The following NELL1 variants were observed in gnomAD, a reference collection of about 807,000 sequenced individuals.
The protein encoded by NELL1 is neural EGFL like 1.
In NELL1, 76 loss-of-function variants were observed where a neutral mutation model predicts 107.4. That is an observed-to-expected ratio of 0.71 (90% confidence interval 0.59 to 0.86). The LOEUF (loss-of-function observed/expected upper bound fraction) is 0.86. Ranked by LOEUF, NELL1 falls within the 40% of genes least tolerant of loss-of-function variation. The pLI, the probability that NELL1 is intolerant of heterozygous loss-of-function variation, is 0.00. For missense variants in NELL1, 1,024 were observed against 1,005.5 expected, an observed-to-expected ratio of 1.02 and a Z score of -0.25; for synonymous variants, 353 against 341.2, an observed-to-expected ratio of 1.03 and a Z score of -0.38.
At chr11:21,375,285 A>G (rs1005965034) in intron 15 of NELL1, among the ~76,000 whole-genome samples, 11 of 152,096 alleles carry the variant, frequency 7.2e-5, no homozygotes, top group Middle Eastern at 6.8e-3. Context: ...GCTCCCACTT[A>G]TTAGTGAGAA....
In NELL1 at chr11:20,885,485, C is replaced by A; in HGVS notation, c.548C>A (p.Pro183His). ...ATAGACCCTCCAGATACCAACCTTC[C>A]CCCAGGAATCAATTTATGGCTTGGC... The part of the protein sequence containing the change: ...RVIDPPDTNL[P>H]PGINLWLGQR... The change falls in exon 5 of 20, where the codon CCC becomes CAC. Residue 183 changes from proline to histidine, a missense_variant. By Grantham distance (77) the Pro-to-His change is moderately conservative. Coordinates refer to ENST00000357134, the MANE Select transcript of NELL1 (RefSeq NM_006157.5). 1 of 1,613,548 alleles carries A rather than the reference C, an allele frequency of 6.2e-7. No homozygotes were observed.
chr11:20,920,961 A>G (rs1429781), intron 7 of NELL1, among the ~76,000 whole-genome samples: 105,564 of 151,942 alleles, frequency 0.69, 40,069 homozygotes, highest in South Asian at 0.85. Flanking sequence ...CAAACAGTAT[A>G]TAGAATTACA....
chr11:21,157,963 A>G (rs1856280369), intron 13 of NELL1, among the ~76,000 whole-genome samples: 1 of 152,168 alleles, frequency 6.6e-6, no homozygotes, highest in Non-Finnish European at 1.5e-5. Flanking sequence ...AAAGGAAATT[A>G]GCATTTGAGT....
At chr11:21,298,744 G>T (rs1021011506) in intron 14 of NELL1, among the ~76,000 whole-genome samples, 27 of 152,054 alleles carry the variant, frequency 1.8e-4, no homozygotes, top group Middle Eastern at 3.4e-3. Flanking sequence ...ATCAGGAAAT[G>T]GTCAAAATAT....
intron 2 of NELL1, among the ~76,000 whole-genome samples, chr11:20,729,610 T>A (rs552038888): frequency 1.4e-4 from 22 of 152,352 alleles, no homozygotes; most frequent in Non-Finnish European, 2.9e-4. Context: ...ATTTATTAAT[T>A]TGAATATGTT....
At chr11:21,541,925 A>G (rs1191378231) in intron 16 of NELL1, among the ~76,000 whole-genome samples, 1 of 152,128 alleles carries the variant, frequency 6.6e-6, no homozygotes, top group African/African-American at 2.4e-5. Flanking sequence ...ACATTTATTG[A>G]GAGTTTTACT....
intron 13 of NELL1, among the ~76,000 whole-genome samples, chr11:21,123,954 C>T (rs2133746559): frequency 6.6e-6 from 1 of 152,080 alleles, no homozygotes; most frequent in Non-Finnish European, 1.5e-5. Context: ...TTTTATTTTT[C>T]ACTTCAAATA....
At chr11:21,284,369 G>C in intron 14 of NELL1, 1 of 457,186 alleles carries the variant, frequency 2.2e-6, no homozygotes, top group South Asian at 1.5e-5. Context: ...CATGACTAAG[G>C]CCAAGTCTTT....
chr11:21,520,420 A>AT (rs1855689831), intron 15 of NELL1, among the ~76,000 whole-genome samples: 2 of 152,148 alleles, frequency 1.3e-5, no homozygotes, highest in Admixed American at 6.5e-5. Context: ...TGCCAGTACT[A>AT]TTGATAAGAA....
intron 12 of NELL1, among the ~76,000 whole-genome samples, chr11:21,071,764 AG>A (rs1254178882): frequency 4.6e-5 from 7 of 152,174 alleles, no homozygotes; most frequent in Non-Finnish European, 1.0e-4. Context: ...CGGCTCTAAG[AG>A]GGGAGAGGAT....
chr11:20,997,105 A>G (rs1453294854), intron 12 of NELL1, among the ~76,000 whole-genome samples: 1 of 152,252 alleles, frequency 6.6e-6, no homozygotes, highest in Non-Finnish European at 1.5e-5. Flanking sequence ...TTAAGAGGAA[A>G]AACACATCAA....
chr11:21,038,600 T>A (rs1853152294), intron 12 of NELL1, among the ~76,000 whole-genome samples: 1 of 152,178 alleles, frequency 6.6e-6, no homozygotes, highest in South Asian at 2.1e-4. Flanking sequence ...CCACTGCCAA[T>A]AGAAATCTTT....
chr11:21,164,770 G>C (rs1197569667), intron 13 of NELL1, among the ~76,000 whole-genome samples: 1 of 152,144 alleles, frequency 6.6e-6, no homozygotes, highest in African/African-American at 2.4e-5. Flanking sequence ...CCTCTGATTT[G>C]TGCCTCATTT....
chr11:21,412,991 C>G (rs1166492794), intron 15 of NELL1, among the ~76,000 whole-genome samples: 3 of 152,114 alleles, frequency 2.0e-5, no homozygotes, highest in African/African-American at 7.2e-5. Context: ...GGCACACTCT[C>G]TAGTCTCAAC....
intron 15 of NELL1, among the ~76,000 whole-genome samples, chr11:21,378,184 A>C (rs538867231): frequency 1.7e-4 from 26 of 151,600 alleles, no homozygotes; most frequent in Non-Finnish European, 3.2e-4. Context: ...ATCCCCTGGG[A>C]GACAAAATTT....
At chr11:21,046,078 T>C (rs1590579246) in intron 12 of NELL1, among the ~76,000 whole-genome samples, 1 of 152,218 alleles carries the variant, frequency 6.6e-6, no homozygotes, top group South Asian at 2.1e-4. Context: ...CTGAACTCTT[T>C]TGTGAGTATT....
chr11:20,717,316 C>T (rs1334962220), intron 2 of NELL1, among the ~76,000 whole-genome samples: 1 of 152,186 alleles, frequency 6.6e-6, no homozygotes, highest in Non-Finnish European at 1.5e-5. Flanking sequence ...ATGCAATGGT[C>T]TTACGTTTGT....
In NELL1 at chr11:21,324,191, G is replaced by C. The variant is rs117167868; in HGVS notation, c.1550-46662G>C. On this transcript the variant is annotated intron_variant, in intron 14 of 19. Coordinates refer to ENST00000357134, the MANE Select transcript of NELL1 (RefSeq NM_006157.5). ...GAGACAGTCATTATTACCCCATTTT[G>C]AAGATGAGGATTCCAGACTTAAAAG... Among the ~76,000 whole-genome samples the C allele has an allele frequency of 1.5e-3, 228 of 152,174 alleles. 7 individuals are homozygous for C. The East Asian group carries it at 0.033, about 22-fold the overall frequency.
At chr11:21,282,233 C>G (rs971041330) in intron 14 of NELL1, among the ~76,000 whole-genome samples, 1 of 152,000 alleles carries the variant, frequency 6.6e-6, no homozygotes, top group Non-Finnish European at 1.5e-5. Flanking sequence ...AAATGGCAAA[C>G]AAGCATATGA....
Sources: gnomAD v4.1 joint callset for allele counts (sites outside exome capture counted in the v4.1 genomes callset) on GRCh38, gnomAD v4.1.1 for gene constraint, MANE v1.5 for transcripts, NCBI Gene and HGNC (gene_info 2026-07-23, HGNC 2026-07-21) for gene names.